Variants in KCTD16 observed in about 807,000 individuals in gnomAD.
KCTD16 encodes the protein BTB/POZ domain-containing protein KCTD16.
A neutral mutation model predicts 33.2 loss-of-function variants in KCTD16; 13 were observed. That is an observed-to-expected ratio of 0.39 (90% confidence interval 0.25 to 0.62). The LOEUF (loss-of-function observed/expected upper bound fraction) is 0.62, where lower values mean the gene tolerates loss of function less well. KCTD16 is among the 20% of genes least tolerant of loss of function. The probability of loss-of-function intolerance (pLI) is 0.50; values close to 1 mark genes in which losing one functional copy is unlikely to be tolerated. For synonymous variants in KCTD16, 197 were observed against 195.3 expected, an observed-to-expected ratio of 1.01 and a Z score of -0.07; for missense variants, 441 against 525.1, an observed-to-expected ratio of 0.84 and a Z score of 1.57.
At chr5:144,204,517 T>G (rs976571189) in intron 2 of KCTD16, among the ~76,000 whole-genome samples, 1 of 152,164 alleles carries the variant, frequency 6.6e-6, no homozygotes, top group African/African-American at 2.4e-5. Context: ...AGGAGTAAAA[T>G]GTCTTTTAGC....
chr5:144,238,036 G>A (rs1486298417), intron 3 of KCTD16, among the ~76,000 whole-genome samples: 2 of 152,120 alleles, frequency 1.3e-5, no homozygotes, highest in Non-Finnish European at 2.9e-5. Context: ...TCCCACATGG[G>A]GAAATTGATG....
chr5:144,242,834 G>C (rs1368438889), intron 3 of KCTD16, among the ~76,000 whole-genome samples: 1 of 152,144 alleles, frequency 6.6e-6, no homozygotes. Flanking sequence ...CCAAGGAGAG[G>C]CATTAATCTA....
At chr5:144,396,493 C>T (rs1752570219) in intron 3 of KCTD16, among the ~76,000 whole-genome samples, 1 of 152,048 alleles carries the variant, frequency 6.6e-6, no homozygotes, top group Non-Finnish European at 1.5e-5. Context: ...ATTCCTGGTC[C>T]TTGATTTGGG....
At chr5:144,441,716 A>G (rs1753712795) in intron 3 of KCTD16, among the ~76,000 whole-genome samples, 1 of 151,214 alleles carries the variant, frequency 6.6e-6, no homozygotes, top group Non-Finnish European at 1.5e-5. Flanking sequence ...TGTCTTGATT[A>G]TAGTAGTAGC....
intron 3 of KCTD16, among the ~76,000 whole-genome samples, chr5:144,387,854 T>G (rs1374414725): frequency 6.6e-6 from 1 of 152,148 alleles, no homozygotes; most frequent in Non-Finnish European, 1.5e-5. Context: ...TGAAGAGTTT[T>G]TTAGAGCCCC....
chr5:144,232,691 C>G (rs1754139195), intron 3 of KCTD16, among the ~76,000 whole-genome samples: 1 of 152,118 alleles, frequency 6.6e-6, no homozygotes, highest in Non-Finnish European at 1.5e-5. Flanking sequence ...TCAATAGAAA[C>G]ATAAAATGAA....
intron 3 of KCTD16, among the ~76,000 whole-genome samples, chr5:144,373,799 T>C (rs1202474863): frequency 1.3e-5 from 2 of 152,232 alleles, no homozygotes; most frequent in African/African-American, 4.8e-5. Flanking sequence ...ATTTAATAAT[T>C]GGTAAGATGA....
chr5:144,474,281 G>C lies in KCTD16; in HGVS notation c.*167G>C. The C allele has an allele frequency of 5.1e-6, 3 of 591,004 alleles. No homozygotes were observed. The highest frequency in any genetic ancestry group is 4.3e-5 in the South Asian group (2 of 46,032). 36.6% of individuals were successfully genotyped at this position (591,004 alleles called of 1,614,324 possible). On this transcript the variant is annotated 3_prime_UTR_variant, in exon 4 of 4. Coordinates refer to ENST00000512467, the MANE Select transcript of KCTD16 (RefSeq NM_020768.4). ...TACTTTACCTAGTTCACCTTAACAT[G>C]TAAATCCACAGGGTAGATTTCTTTC...
intron 3 of KCTD16, among the ~76,000 whole-genome samples, chr5:144,386,700 T>C (rs1345485717): frequency 6.6e-6 from 1 of 152,192 alleles, no homozygotes; most frequent in African/African-American, 2.4e-5. Flanking sequence ...TTAATGCATG[T>C]AGGTGAAGAA....
chr5:144,259,618 G>T (rs1013484080), intron 3 of KCTD16, among the ~76,000 whole-genome samples: 1 of 152,140 alleles, frequency 6.6e-6, no homozygotes, highest in Non-Finnish European at 1.5e-5. Context: ...TCCTTTCTTT[G>T]CAGAGAAAGA....
chr5:144,358,162 G>C (rs1751618484), intron 3 of KCTD16, among the ~76,000 whole-genome samples: 1 of 136,646 alleles, frequency 7.3e-6, no homozygotes, highest in Non-Finnish European at 1.5e-5. Context: ...TCAAATTCCT[G>C]ATGTTAAATG....
At chr5:144,252,883 C>T (rs1422809788) in intron 3 of KCTD16, among the ~76,000 whole-genome samples, 4 of 149,816 alleles carry the variant, frequency 2.7e-5, no homozygotes, top group Admixed American at 6.6e-5. Flanking sequence ...TTTTTTCTCT[C>T]ATCTTGCCTT....
At chr5:144,259,792 T>C (rs1265803248) in intron 3 of KCTD16, among the ~76,000 whole-genome samples, 1 of 152,198 alleles carries the variant, frequency 6.6e-6, no homozygotes, top group African/African-American at 2.4e-5. Context: ...GTAGGTGACC[T>C]GTCAAAAGCT....
At chr5:144,252,522 C>T (rs975716789) in intron 3 of KCTD16, among the ~76,000 whole-genome samples, 2 of 151,970 alleles carry the variant, frequency 1.3e-5, no homozygotes, top group African/African-American at 4.8e-5. Context: ...TGTCACTTCC[C>T]TAGAAAAACT....
intron 3 of KCTD16, among the ~76,000 whole-genome samples, chr5:144,254,983 T>C (rs1437262884): frequency 6.6e-6 from 1 of 152,148 alleles, no homozygotes; most frequent in Non-Finnish European, 1.5e-5. Flanking sequence ...CAGGCTGGTC[T>C]TGAACTCCCA....
At chr5:144,443,517 T>G (rs1383437692) in intron 3 of KCTD16, among the ~76,000 whole-genome samples, 1 of 152,066 alleles carries the variant, frequency 6.6e-6, no homozygotes, top group Admixed American at 6.6e-5. Flanking sequence ...GCTTCTCTTC[T>G]TTTACTATTG....
chr5:144,341,810 A>T (rs1752653923), intron 3 of KCTD16, among the ~76,000 whole-genome samples: 1 of 152,214 alleles, frequency 6.6e-6, no homozygotes, highest in Admixed American at 6.5e-5. Flanking sequence ...TTAAATGAAC[A>T]AATTGAATAT....
intron 3 of KCTD16, among the ~76,000 whole-genome samples, chr5:144,350,779 T>A (rs969668643): frequency 2.6e-5 from 4 of 152,066 alleles, no homozygotes; most frequent in African/African-American, 9.7e-5. Context: ...TTCTTTTTTT[T>A]TTTCTCTCTC....
At chr5:144,407,484 A>G (rs916385706) in intron 3 of KCTD16, among the ~76,000 whole-genome samples, 4 of 151,956 alleles carry the variant, frequency 2.6e-5, no homozygotes, top group African/African-American at 9.7e-5. Context: ...GTCCCTGTGT[A>G]ATAAGCATAG....
Sources: allele counts gnomAD v4.1 joint callset (sites outside exome capture counted in the v4.1 genomes callset), GRCh38; gene constraint gnomAD v4.1.1; transcripts MANE v1.5; gene names NCBI Gene and HGNC (gene_info 2026-07-23, HGNC 2026-07-21).